SAMD5: variants seen among roughly 807,000 people sequenced by gnomAD.
SAMD5 encodes the protein sterile alpha motif domain containing 5, also known as sterile alpha motif domain-containing protein 5.
Under a neutral mutation model 11.3 loss-of-function variants are expected in SAMD5, and 13 were observed. The ratio of observed to expected loss-of-function variants is 1.15; its 90% CI spans 0.75 to 1.83. The LOEUF (loss-of-function observed/expected upper bound fraction) is 1.83, where lower values mean the gene tolerates loss of function less well. Ranked by LOEUF, SAMD5 falls within the 40% of genes most tolerant of loss-of-function variation. SAMD5 has a pLI of 0.00. For synonymous variants in SAMD5, 129 were observed against 111.3 expected, an observed-to-expected ratio of 1.16 and a Z score of -1.00; for missense variants, 255 against 239.1, an observed-to-expected ratio of 1.07 and a Z score of -0.44.
intron 1 of SAMD5, among the ~76,000 whole-genome samples, chr6:147,633,516 G>A (rs894268755): frequency 6.6e-6 from 1 of 152,084 alleles, no homozygotes; most frequent in African/African-American, 2.4e-5. Context: ...TAGCCTGAGG[G>A]AGGAAGCTTA....
chr6:147,813,737 A>G, the SAMD5 span, among the ~76,000 whole-genome samples: 1 of 152,194 alleles, frequency 6.6e-6, no homozygotes, highest in South Asian at 2.1e-4. Flanking sequence ...CTTTTGCTCT[A>G]GCCTGTGGGG....
chr6:147,747,807 G>A, the SAMD5 span, among the ~76,000 whole-genome samples: 10 of 152,234 alleles, frequency 6.6e-5, no homozygotes, highest in Admixed American at 6.5e-4. Flanking sequence ...AATTCTTATA[G>A]CTGCTGCGTT....
the SAMD5 span, among the ~76,000 whole-genome samples, chr6:147,790,541 T>C: frequency 6.6e-6 from 1 of 152,150 alleles, no homozygotes; most frequent in Non-Finnish European, 1.5e-5. Flanking sequence ...GACTTGTGGA[T>C]TTAATTTTAG....
intron 1 of SAMD5, among the ~76,000 whole-genome samples, chr6:147,617,593 C>A (rs1183470221): frequency 6.6e-6 from 1 of 152,208 alleles, no homozygotes; most frequent in East Asian, 1.9e-4. Context: ...ATTCTGGAAG[C>A]TAATTGAAAT....
chr6:147,849,709 C>T, the SAMD5 span, among the ~76,000 whole-genome samples: 5 of 152,140 alleles, frequency 3.3e-5, 1 homozygote, highest in South Asian at 8.3e-4. Flanking sequence ...ATCAGAGTGC[C>T]GAGGGCACGT....
chr6:147,679,869 T>TC (rs1373529789), intron 1 of SAMD5, among the ~76,000 whole-genome samples: 2 of 151,938 alleles, frequency 1.3e-5, no homozygotes, highest in African/African-American at 2.4e-5. Flanking sequence ...AAATATATTT[T>TC]CCCCCCTGAA....
In SAMD5 at chr6:147,595,324, A is replaced by T. The variant is rs544279298; in HGVS notation, c.162+85937A>T. On this transcript the variant is annotated intron_variant, in intron 1 of 1. Coordinates refer to the SAMD5 transcript ENST00000566741. ...TATAACTTAGTAGTCACATCAAGCT[A>T]TGAGAGTACTCTTATTTACACCATT... Among the ~76,000 whole-genome samples, 4 of 152,296 alleles carry T rather than the reference A, an allele frequency of 2.6e-5. No homozygotes were observed. In the South Asian group the frequency reaches 8.3e-4, roughly 32 times the overall value.
chr6:147,600,403 C>G (rs1204310822), intron 1 of SAMD5, among the ~76,000 whole-genome samples: 3 of 152,074 alleles, frequency 2.0e-5, no homozygotes, highest in African/African-American at 7.2e-5. Context: ...TTCTTCTTGG[C>G]TTCAGATAGA....
chr6:147,847,221 C>T, the SAMD5 span, among the ~76,000 whole-genome samples: 4 of 152,076 alleles, frequency 2.6e-5, no homozygotes, highest in Admixed American at 1.3e-4. Flanking sequence ...GTTTATTAAG[C>T]AGGTTTCTGT....
chr6:147,825,523 T>C, the SAMD5 span, among the ~76,000 whole-genome samples: 2 of 152,238 alleles, frequency 1.3e-5, no homozygotes, highest in Non-Finnish European at 2.9e-5. Context: ...ATCATAAATA[T>C]TCCAGATGGC....
At chr6:147,873,495 G>A in the SAMD5 span, among the ~76,000 whole-genome samples, 11 of 152,100 alleles carry the variant, frequency 7.2e-5, no homozygotes, top group Admixed American at 7.2e-4. Flanking sequence ...GCTATTAATT[G>A]TAATGTGAGT....
At chr6:147,947,212 G>T in the SAMD5 span, among the ~76,000 whole-genome samples, 1 of 152,014 alleles carries the variant, frequency 6.6e-6, no homozygotes, top group Non-Finnish European at 1.5e-5. Context: ...GCCTGTGGTT[G>T]TATGTTACAG....
the SAMD5 span, among the ~76,000 whole-genome samples, chr6:147,766,098 A>G: frequency 1.3e-5 from 2 of 150,194 alleles, no homozygotes; most frequent in African/African-American, 4.9e-5. Flanking sequence ...ACGGTAAGCA[A>G]TGGAAGAAAA....
At chr6:147,733,843 CACT>C (rs1791754471) in intron 1 of SAMD5, 1 of 555,358 alleles carries the variant, frequency 1.8e-6, no homozygotes, top group African/African-American at 2.0e-5. Context: ...AGAGTTAAAA[CACT>C]TGGCCTGTCC....
rs79314379 is a variant in SAMD5 at position 147,512,713 on chromosome 6, A to G, written c.459+3326A>G. On this transcript the variant is annotated intron_variant, in intron 1 of 1. Coordinates refer to ENST00000367474, the MANE Select transcript of SAMD5 (RefSeq NM_001030060.3). ...TGATTTCTACCTTTGTGAAATGGGG[A>G]TAAAATAATTTTTTACCAAGCTTCT... Among the ~76,000 whole-genome samples, 777 of 152,182 alleles carry G rather than the reference A, an allele frequency of 5.1e-3. 4 individuals are homozygous for G. Among genetic ancestry groups the G allele is most frequent in the African/African-American group, 0.016 (683 of 41,514 alleles).
the SAMD5 span, among the ~76,000 whole-genome samples, chr6:147,747,728 G>A: frequency 2.0e-5 from 3 of 152,196 alleles, no homozygotes; most frequent in East Asian, 1.9e-4. Context: ...TCCCTAGGCC[G>A]ATAAACCTGT....
the SAMD5 span, among the ~76,000 whole-genome samples, chr6:147,873,331 C>T: frequency 1.1e-3 from 167 of 151,174 alleles, no homozygotes; most frequent in African/African-American, 3.8e-3. Context: ...GAGCCAAGAT[C>T]GCGCCACTGC....
At chr6:147,699,470 G>C (rs1020613324) in intron 1 of SAMD5, among the ~76,000 whole-genome samples, 1 of 152,158 alleles carries the variant, frequency 6.6e-6, no homozygotes, top group Non-Finnish European at 1.5e-5. Flanking sequence ...TGAATAAAAT[G>C]AGTTTTTTCC....
the SAMD5 span, among the ~76,000 whole-genome samples, chr6:147,907,291 A>G: frequency 0.59 from 89,606 of 152,066 alleles, 26,986 homozygotes; most frequent in African/African-American, 0.71. Context: ...TTGTGACAAA[A>G]TCACACAGCA....
Sources: allele counts gnomAD v4.1 joint callset (sites outside exome capture counted in the v4.1 genomes callset), GRCh38; gene constraint gnomAD v4.1.1; transcripts MANE v1.5; gene names NCBI Gene and HGNC (gene_info 2026-07-23, HGNC 2026-07-21).